The following FBXW7 variants were observed in gnomAD, a reference collection of about 807,000 sequenced individuals.
FBXW7 encodes F-box and WD repeat domain containing 7.
FBXW7 carries 11 observed loss-of-function variants against 86.3 expected under a neutral mutation model. The ratio of observed to expected loss-of-function variants is 0.13; its 90% CI spans 0.08 to 0.21. The LOEUF is 0.21. FBXW7 is among the 10% of genes least tolerant of loss of function. FBXW7 has a pLI of 1.00. For synonymous variants in FBXW7, 313 were observed against 297.9 expected, an observed-to-expected ratio of 1.05 and a Z score of -0.52; for missense variants, 488 against 847.4, an observed-to-expected ratio of 0.58 and a Z score of 5.27.
At chr4:152,403,942 C>T (rs1737178762) in intron 4 of FBXW7, among the ~76,000 whole-genome samples, 1 of 152,162 alleles carries the variant, frequency 6.6e-6, no homozygotes, top group Non-Finnish European at 1.5e-5. Context: ...CTAAAGAACT[C>T]TTCAAAGAAA....
chr4:152,534,536 T>C (rs926080000), intron 2 of FBXW7, among the ~76,000 whole-genome samples: 10 of 152,152 alleles, frequency 6.6e-5, no homozygotes, highest in African/African-American at 2.4e-4. Context: ...ACAGGTTAAG[T>C]AGTTCTCATT....
intron 4 of FBXW7, chr4:152,352,418 G>A (rs932138275): frequency 6.2e-7 from 1 of 1,604,414 alleles, no homozygotes; most frequent in Non-Finnish European, 8.5e-7. Flanking sequence ...TTCCTTCTCA[G>A]GCAGGCATAC....
At chr4:152,432,827 T>C (rs868033439) in intron 2 of FBXW7, among the ~76,000 whole-genome samples, 2 of 152,048 alleles carry the variant, frequency 1.3e-5, no homozygotes, top group African/African-American at 2.4e-5. Flanking sequence ...GAAAAAGGTA[T>C]TGAATATTTT....
intron 4 of FBXW7, among the ~76,000 whole-genome samples, chr4:152,359,493 C>T (rs772507754): frequency 3.9e-5 from 6 of 152,076 alleles, no homozygotes; most frequent in Middle Eastern, 3.4e-3. Flanking sequence ...GCCCTAGCTA[C>T]TTGAGAGGCT....
At chr4:152,325,249 A>G (rs1728914644) in intron 12 of FBXW7, 1 of 152,184 alleles carries the variant, frequency 6.6e-6, no homozygotes, top group South Asian at 2.1e-4. Flanking sequence ...TATCCCTTTG[A>G]CAAAGAAACA....
At chr4:152,381,256 A>T (rs1735039557) in intron 4 of FBXW7, among the ~76,000 whole-genome samples, 3 of 152,096 alleles carry the variant, frequency 2.0e-5, no homozygotes. Context: ...AGTGTTATGG[A>T]TTATTCTATT....
In FBXW7 at chr4:152,359,515, A is replaced by C. The variant is rs544120447; in HGVS notation, c.502-9391T>G. 4.6e-5 allele frequency among the ~76,000 whole-genome samples: 7 copies of C among 152,230 alleles called. No homozygotes were observed. In the South Asian group the frequency reaches 1.2e-3, roughly 27 times the overall value. On this transcript the variant is annotated intron_variant, in intron 4 of 13. Transcript: ENST00000281708. ...CTACTTGAGAGGCTGGGGCAGGAGG[A>C]TCGTTTGAGGTTGCAGTTAGCTATG...
chr4:152,522,337 TTG>T (rs1332189512), intron 2 of FBXW7, among the ~76,000 whole-genome samples: 1 of 152,204 alleles, frequency 6.6e-6, no homozygotes, highest in Non-Finnish European at 1.5e-5. Flanking sequence ...TAGATTAATT[TTG>T]GAGTACTTTC....
intron 2 of FBXW7, among the ~76,000 whole-genome samples, chr4:152,496,498 C>T (rs1313971862): frequency 2.0e-5 from 3 of 151,722 alleles, no homozygotes; most frequent in African/African-American, 2.4e-5. Context: ...GCCAACATGG[C>T]GAAACCCTGT....
chr4:152,445,027 C>T (rs1268704824), intron 2 of FBXW7, among the ~76,000 whole-genome samples: 4 of 152,088 alleles, frequency 2.6e-5, no homozygotes, highest in East Asian at 1.9e-4. Context: ...GGTTTTGCCA[C>T]GTGTCCCAGG....
intron 2 of FBXW7, among the ~76,000 whole-genome samples, chr4:152,429,191 A>ACTTT (rs1739659228): frequency 6.6e-6 from 1 of 151,990 alleles, no homozygotes; most frequent in South Asian, 2.1e-4. Context: ...ACTCCATCTC[A>ACTTT]AAAAAAAGAG....
chr4:152,408,622 G>A (rs778675584), intron 4 of FBXW7, among the ~76,000 whole-genome samples: 3 of 152,118 alleles, frequency 2.0e-5, no homozygotes, highest in Non-Finnish European at 4.4e-5. Context: ...CTTTCTATAG[G>A]GTAGCTCTTA....
At chr4:152,328,157 T>A (rs1578881591) in intron 11 of FBXW7, 51 bp downstream of exon 11, 5 of 1,506,358 alleles carry the variant, frequency 3.3e-6, no homozygotes, top group Middle Eastern at 3.5e-4. Flanking sequence ...AGGGCCCAAA[T>A]TCACCAATAA....
At chr4:152,412,851 TG>T (rs2126886768) in intron 2 of FBXW7, among the ~76,000 whole-genome samples, 1 of 152,238 alleles carries the variant, frequency 6.6e-6, no homozygotes, top group South Asian at 2.1e-4. Flanking sequence ...GTGGTATTAC[TG>T]ATGCTTTAAA....
chr4:152,389,280 T>G lies in FBXW7; in HGVS notation c.501+22023A>C, dbSNP rs1422336868. ...TCATTTGATCCAGCAATCCCACTAC[T>G]GGGCATCTACCCAAAAGAAAAGAAA... On this transcript the variant is annotated intron_variant, in intron 4 of 13. Transcript: ENST00000281708. 2.6e-5 allele frequency among the ~76,000 whole-genome samples: 4 copies of G among 152,204 alleles called. No homozygotes were observed. In the South Asian group the frequency reaches 8.3e-4, roughly 32 times the overall value.
At chr4:152,520,908 G>C (rs751110299) in intron 2 of FBXW7, among the ~76,000 whole-genome samples, 7 of 152,116 alleles carry the variant, frequency 4.6e-5, no homozygotes, top group Non-Finnish European at 8.8e-5. Context: ...TCAGCTCCTG[G>C]GATTTGCTTC....
At chr4:152,410,189 T>G (rs1425966503) in intron 4 of FBXW7, among the ~76,000 whole-genome samples, 1 of 152,140 alleles carries the variant, frequency 6.6e-6, no homozygotes, top group Non-Finnish European at 1.5e-5. Context: ...AATTGGACCT[T>G]AAGTATTAAA....
intron 12 of FBXW7, chr4:152,325,779 A>C: frequency 2.1e-6 from 1 of 466,610 alleles, no homozygotes; most frequent in South Asian, 3.9e-5. Flanking sequence ...TTGCAAAACA[A>C]ATATTTGTAT....
At position 152,405,051 on chromosome 4, in the gene FBXW7, C is replaced by G. The variant is rs546249959; in HGVS notation, c.501+6252G>C. On this transcript the variant is annotated intron_variant, in intron 4 of 13. Transcript: ENST00000281708. ...AGGCTGCAGTGAGCCATGATTATGC[C>G]ACTGCACTCCATCCAGCCTGGGCAA... Among the ~76,000 whole-genome samples the G allele has an allele frequency of 1.8e-4, 25 of 139,626 alleles. No homozygotes were observed. In the East Asian group the frequency reaches 4.7e-3, roughly 26 times the overall value. 91.6% of individuals were successfully genotyped at this position (139,626 alleles called of 152,430 possible). A position where few individuals can be genotyped will look rare whatever the true frequency, so the allele number is the denominator to read the frequency against.
Sources: allele counts gnomAD v4.1 joint callset (sites outside exome capture counted in the v4.1 genomes callset), GRCh38; gene constraint gnomAD v4.1.1; transcripts MANE v1.5; gene names NCBI Gene and HGNC (gene_info 2026-07-23, HGNC 2026-07-21).